TMEM135: variants seen among roughly 807,000 people sequenced by gnomAD.
TMEM135 encodes the protein transmembrane protein 135.
Under a neutral mutation model 60.3 loss-of-function variants are expected in TMEM135, and 30 were observed. The observed-to-expected ratio is 0.50, with a 90% CI of 0.37 to 0.68. The LOEUF is 0.68. TMEM135 is among the 30% of genes least tolerant of loss of function. The pLI is 0.00. For missense variants in TMEM135, 468 were observed against 548.8 expected, an observed-to-expected ratio of 0.85 and a Z score of 1.47; for synonymous variants, 190 against 186.7, an observed-to-expected ratio of 1.02 and a Z score of -0.14.
At chr11:87,192,192 T>C (rs566720471) in intron 5 of TMEM135, among the ~76,000 whole-genome samples, 161 of 151,204 alleles carry the variant, frequency 1.1e-3, no homozygotes, top group Non-Finnish European at 1.9e-3. Context: ...GGTTTTACCA[T>C]GTTGGCCAGG....
At chr11:87,245,438 G>A (rs1941244752) in intron 6 of TMEM135, among the ~76,000 whole-genome samples, 1 of 106,548 alleles carries the variant, frequency 9.4e-6, no homozygotes, top group African/African-American at 3.7e-5. Context: ...TCTGTCTAAT[G>A]TTGACAGTGG....
intron 5 of TMEM135, among the ~76,000 whole-genome samples, chr11:87,190,033 C>T (rs1038719421): frequency 2.0e-5 from 3 of 152,124 alleles, no homozygotes; most frequent in Non-Finnish European, 2.9e-5. Flanking sequence ...CTTTTTAAAT[C>T]AGTCATGTAG....
chr11:87,291,283 C>T (rs1440686732), intron 6 of TMEM135, among the ~76,000 whole-genome samples: 1 of 152,080 alleles, frequency 6.6e-6, no homozygotes, highest in Non-Finnish European at 1.5e-5. Flanking sequence ...GTATTCCCTA[C>T]TTTAATGAGT....
chr11:87,238,919 G>T (rs1941067474), intron 6 of TMEM135, among the ~76,000 whole-genome samples: 1 of 151,926 alleles, frequency 6.6e-6, no homozygotes, highest in African/African-American at 2.4e-5. Context: ...TCCCATTGTG[G>T]CACTTAAAGA....
At position 87,265,660 on chromosome 11, in the gene TMEM135, T is replaced by C. The variant is rs72957883; in HGVS notation, c.509+28976T>C. On this transcript the variant is annotated intron_variant, in intron 6 of 14. Coordinates refer to ENST00000305494, the MANE Select transcript of TMEM135 (RefSeq NM_022918.4). ...ATCAGCCACCATTTGATAGCATATT[T>C]AAAGAAAATAAAAGAAACACTTAAC... 6.8e-3 allele frequency among the ~76,000 whole-genome samples: 1,032 copies of C among 152,144 alleles called. 3 individuals are homozygous for C. The highest frequency in any genetic ancestry group is 0.012 in the Non-Finnish European group (789 of 67,914).
In TMEM135 at chr11:87,318,140, A is replaced by G. The variant is rs770508278; in HGVS notation, c.1081A>G (p.Met361Val). 6.8e-6 allele frequency: 11 copies of G among 1,611,384 alleles called. No homozygotes were observed. Among genetic ancestry groups the G allele is most frequent in the Non-Finnish European group, 9.3e-6 (11 of 1,178,498 alleles). ...TTGTCTTATGCTTGTTTTGCAGACA[A>G]TGTATTTCAAAGGCATTGAAGCAGG... ...MYLASKLVET[M>V]YFKGIEAGKV... The change falls in exon 13 of 15, where the codon ATG (methionine) becomes GTG (valine). Residue 361 changes from methionine to valine, a missense_variant. Met to Val is a conservative substitution (Grantham distance 21, BLOSUM62 1). Coordinates refer to ENST00000305494, the MANE Select transcript of TMEM135 (RefSeq NM_022918.4).
intron 4 of TMEM135, among the ~76,000 whole-genome samples, chr11:87,142,039 G>C (rs1231344897): frequency 6.6e-6 from 1 of 152,104 alleles, no homozygotes; most frequent in East Asian, 1.9e-4. Context: ...ACTTGAGAGA[G>C]GGTCCTCCTC....
intron 6 of TMEM135, among the ~76,000 whole-genome samples, chr11:87,254,809 A>G (rs1268735135): frequency 1.3e-5 from 2 of 152,076 alleles, no homozygotes; most frequent in Non-Finnish European, 2.9e-5. Context: ...GATGGGACAG[A>G]AGGACAGAAC....
chr11:87,188,246 G>T (rs301575), intron 5 of TMEM135, among the ~76,000 whole-genome samples: 1 of 151,792 alleles, frequency 6.6e-6, no homozygotes, highest in East Asian at 1.9e-4. Flanking sequence ...GCTTTATGAT[G>T]AAGTCTTGGA....
rs1399719089 is a variant in TMEM135 at position 87,321,414 on chromosome 11, G to A, written c.*81G>A. On this transcript the variant is annotated 3_prime_UTR_variant, in exon 15 of 15. Transcript: ENST00000305494. ...GTTGAACACAAAGGAGGGGGCCCAA[G>A]CTCGAACTTCAGTGTTATTTCAGTT... 1 of 1,474,940 alleles carries A rather than the reference G, an allele frequency of 6.8e-7. No homozygotes were observed. The highest frequency in any genetic ancestry group is 1.1e-5 in the South Asian group (1 of 88,224). The allele number at this position is 1,474,940 out of a possible 1,614,324, so 91.4% of individuals were successfully genotyped here.
intron 6 of TMEM135, among the ~76,000 whole-genome samples, chr11:87,257,088 AG>A (rs1179093643): frequency 6.6e-6 from 1 of 152,220 alleles, no homozygotes; most frequent in East Asian, 1.9e-4. Flanking sequence ...GATAACTCTT[AG>A]CAATGTTGAG....
At chr11:87,044,951 TGTG>T (rs1949782210) in intron 1 of TMEM135, among the ~76,000 whole-genome samples, 1 of 151,710 alleles carries the variant, frequency 6.6e-6, no homozygotes, top group Non-Finnish European at 1.5e-5. Context: ...CCGGCCGTCA[TGTG>T]GTCTTTTTTA....
chr11:87,256,490 C>G (rs1479982409), intron 6 of TMEM135, among the ~76,000 whole-genome samples: 1 of 152,012 alleles, frequency 6.6e-6, no homozygotes, highest in East Asian at 1.9e-4. Context: ...TATGATTCCT[C>G]AAAATATTTT....
At chr11:87,110,766 G>A (rs1483614665) in intron 4 of TMEM135, among the ~76,000 whole-genome samples, 4 of 151,634 alleles carry the variant, frequency 2.6e-5, no homozygotes, top group Non-Finnish European at 4.4e-5. Context: ...GAATGTGTGT[G>A]TGTGTATGTG....
At chr11:87,160,051 C>T (rs1039634905) in intron 5 of TMEM135, among the ~76,000 whole-genome samples, 4 of 151,942 alleles carry the variant, frequency 2.6e-5, no homozygotes, top group African/African-American at 9.7e-5. Context: ...ATTTGTTAAG[C>T]GGGGATTCAT....
intron 4 of TMEM135, chr11:87,095,055 T>A: frequency 5.2e-6 from 1 of 191,700 alleles, no homozygotes; most frequent in South Asian, 1.2e-4. Context: ...GTTAGCCTTC[T>A]TCCACAGCAA....
chr11:87,247,737 G>C (rs905000316), intron 6 of TMEM135, among the ~76,000 whole-genome samples: 16 of 152,100 alleles, frequency 1.1e-4, no homozygotes, highest in African/African-American at 3.4e-4. Flanking sequence ...GGAGTGACCC[G>C]ATTTTCCAGG....
intron 6 of TMEM135, among the ~76,000 whole-genome samples, chr11:87,257,137 C>T (rs909085557): frequency 1.3e-5 from 2 of 152,080 alleles, no homozygotes; most frequent in African/African-American, 4.8e-5. Flanking sequence ...CTTTCGAGTT[C>T]TGGAATCCTC....
intron 5 of TMEM135, among the ~76,000 whole-genome samples, chr11:87,213,792 A>G (rs962754407): frequency 7.2e-5 from 11 of 152,256 alleles, no homozygotes; most frequent in African/African-American, 2.2e-4. Flanking sequence ...AGCGTTGAAT[A>G]GAAGGTCATT....
Sources: gnomAD v4.1 joint callset for allele counts (sites outside exome capture counted in the v4.1 genomes callset) on GRCh38, gnomAD v4.1.1 for gene constraint, MANE v1.5 for transcripts, NCBI Gene and HGNC (gene_info 2026-07-23, HGNC 2026-07-21) for gene names.